LARGE1: variants seen among roughly 807,000 people sequenced by gnomAD.
The protein encoded by LARGE1 is xylosyl- and glucuronyltransferase LARGE1.
LARGE1 carries 43 observed loss-of-function variants against 87.6 expected under a neutral mutation model. That is an observed-to-expected ratio of 0.49 (90% CI 0.38 to 0.63). The LOEUF (loss-of-function observed/expected upper bound fraction) is 0.63, where lower values mean the gene tolerates loss of function less well. Among genes scored for constraint, LARGE1 ranks in the 30% least tolerant of loss-of-function variants. The pLI, the probability that LARGE1 is intolerant of heterozygous loss-of-function variation, is 0.00. For synonymous variants in LARGE1, 434 were observed against 394.6 expected, an observed-to-expected ratio of 1.10 and a Z score of -1.18; for missense variants, 802 against 1,000.2, an observed-to-expected ratio of 0.80 and a Z score of 2.67.
intron 6 of LARGE1, among the ~76,000 whole-genome samples, chr22:33,544,588 A>G (rs1270026682): frequency 6.6e-6 from 1 of 152,014 alleles, no homozygotes; most frequent in African/African-American, 2.4e-5. Flanking sequence ...GGGAGGCTGA[A>G]GGAGAATCAC....
chr22:33,611,355 C>T (rs1370458064), intron 4 of LARGE1, among the ~76,000 whole-genome samples: 2 of 152,384 alleles, frequency 1.3e-5, no homozygotes, highest in East Asian at 1.9e-4. Flanking sequence ...GCTTTGGGAG[C>T]CTGCCCATTG....
chr22:33,718,894 G>A (rs1043684122), intron 2 of LARGE1, among the ~76,000 whole-genome samples: 19 of 152,148 alleles, frequency 1.2e-4, no homozygotes, highest in African/African-American at 3.6e-4. Flanking sequence ...AGGTTCAAGC[G>A]ATTCTCCTGC....
chr22:33,785,631 A>G (rs2085617371), intron 1 of LARGE1, among the ~76,000 whole-genome samples: 1 of 152,210 alleles, frequency 6.6e-6, no homozygotes, highest in Admixed American at 6.5e-5. Context: ...TAGTGATCAC[A>G]GGGCCAACTG....
intron 5 of LARGE1, among the ~76,000 whole-genome samples, chr22:33,581,596 G>T (rs1286447517): frequency 6.6e-6 from 1 of 151,964 alleles, no homozygotes; most frequent in African/African-American, 2.4e-5. Context: ...GGCAGATCAC[G>T]AGGTCAAGAG....
chr22:33,461,975 T>C (rs1375453176), intron 6 of LARGE1, among the ~76,000 whole-genome samples: 1 of 152,206 alleles, frequency 6.6e-6, no homozygotes, highest in East Asian at 1.9e-4. Flanking sequence ...GACATTTGCC[T>C]AGCTGAGCTC....
At chr22:33,867,030 A>G (rs1480233526) in intron 1 of LARGE1, among the ~76,000 whole-genome samples, 2 of 152,278 alleles carry the variant, frequency 1.3e-5, no homozygotes, top group East Asian at 3.9e-4. Flanking sequence ...GCTACCCACA[A>G]AGGTGGCATC....
At chr22:33,607,327 G>A (rs1315263477) in intron 4 of LARGE1, among the ~76,000 whole-genome samples, 1 of 152,040 alleles carries the variant, frequency 6.6e-6, no homozygotes, top group Non-Finnish European at 1.5e-5. Flanking sequence ...CAGGCGTGGT[G>A]GCAGATGCCT....
At chr22:33,517,699 G>A (rs771712851) in intron 6 of LARGE1, among the ~76,000 whole-genome samples, 7 of 152,120 alleles carry the variant, frequency 4.6e-5, no homozygotes, top group Non-Finnish European at 8.8e-5. Context: ...GTGCCGGGCC[G>A]CCCAGAGAAT....
At chr22:33,862,664 G>A (rs188491678) in intron 1 of LARGE1, among the ~76,000 whole-genome samples, 112 of 152,314 alleles carry the variant, frequency 7.4e-4, no homozygotes, top group Non-Finnish European at 1.3e-3. Flanking sequence ...AGATAGGCCT[G>A]GGTTCAAATC....
At chr22:33,742,192 T>G (rs553057863) in intron 2 of LARGE1, among the ~76,000 whole-genome samples, 1 of 152,144 alleles carries the variant, frequency 6.6e-6, no homozygotes, top group East Asian at 1.9e-4. Flanking sequence ...GGGAAAGTCA[T>G]TGAACCTCTG....
At chr22:33,313,185 C>T (rs148045632) in intron 11 of LARGE1, among the ~76,000 whole-genome samples, 3 of 152,230 alleles carry the variant, frequency 2.0e-5, no homozygotes, top group African/African-American at 7.2e-5. Flanking sequence ...CTATTGTGTT[C>T]CCCACTGGCC....
chr22:33,600,108 A>G (rs2079075797), intron 5 of LARGE1, among the ~76,000 whole-genome samples: 1 of 152,190 alleles, frequency 6.6e-6, no homozygotes, highest in Non-Finnish European at 1.5e-5. Context: ...TGGGCTCTAC[A>G]GTGATAAAGA....
chr22:33,893,218 G>C (rs899725255), intron 1 of LARGE1, among the ~76,000 whole-genome samples: 2 of 152,134 alleles, frequency 1.3e-5, no homozygotes, highest in African/African-American at 4.8e-5. Flanking sequence ...AATTGAGAAA[G>C]AAAACACCAG....
chr22:33,431,785 T>C (rs1449844364), intron 7 of LARGE1, among the ~76,000 whole-genome samples: 1 of 152,164 alleles, frequency 6.6e-6, no homozygotes, highest in African/African-American at 2.4e-5. Context: ...GGAATGTGAT[T>C]GGCAAAAGTA....
At chr22:33,579,570 T>G (rs112241545) in intron 5 of LARGE1, among the ~76,000 whole-genome samples, 1 of 152,162 alleles carries the variant, frequency 6.6e-6, no homozygotes, top group African/African-American at 2.4e-5. Context: ...GATAAAGACC[T>G]GCTGCAGCCC....
intron 7 of LARGE1, among the ~76,000 whole-genome samples, chr22:33,406,040 C>A (rs544971840): frequency 2.0e-5 from 3 of 152,186 alleles, no homozygotes; most frequent in African/African-American, 7.2e-5. Context: ...TAGATTCAAT[C>A]CAAAGAACTT....
At chr22:33,307,876 CAT>C (rs1471071253) in intron 11 of LARGE1, among the ~76,000 whole-genome samples, 1 of 151,948 alleles carries the variant, frequency 6.6e-6, no homozygotes, top group Non-Finnish European at 1.5e-5. Context: ...TCTCTCCCCT[CAT>C]GTGTTCCCTA....
intron 7 of LARGE1, among the ~76,000 whole-genome samples, chr22:33,402,240 G>T (rs889227067): frequency 1.3e-5 from 2 of 152,150 alleles, no homozygotes; most frequent in Non-Finnish European, 2.9e-5. Flanking sequence ...GAATGAAAGA[G>T]CCATATCCCA....
chr22:33,628,632 C>A (rs1258534416), intron 3 of LARGE1, among the ~76,000 whole-genome samples: 2 of 152,116 alleles, frequency 1.3e-5, no homozygotes, highest in Non-Finnish European at 2.9e-5. Flanking sequence ...AGATTCTTAA[C>A]CCTGGTGGTA....
Sources: allele counts gnomAD v4.1 joint callset (sites outside exome capture counted in the v4.1 genomes callset), GRCh38; gene constraint gnomAD v4.1.1; transcripts MANE v1.5; gene names NCBI Gene and HGNC (gene_info 2026-07-23, HGNC 2026-07-21).